Variants in ARID1B observed in about 807,000 individuals in gnomAD.
ARID1B encodes the protein AT-rich interaction domain 1B.
In ARID1B, 30 loss-of-function variants were observed where a neutral mutation model predicts 212.3. That is an observed-to-expected ratio of 0.14 (90% CI 0.11 to 0.19). The LOEUF (loss-of-function observed/expected upper bound fraction) is 0.19. Ranked by LOEUF, ARID1B falls within the 10% of genes least tolerant of loss-of-function variation. ARID1B has a pLI of 1.00. For missense variants in ARID1B, 2,891 were observed against 3,204.0 expected, an observed-to-expected ratio of 0.90 and a Z score of 2.36; for synonymous variants, 1,402 against 1,301.7, an observed-to-expected ratio of 1.08 and a Z score of -1.66.
chr6:157,156,200 C>G (rs891652804), intron 8 of ARID1B, among the ~76,000 whole-genome samples: 17 of 152,096 alleles, frequency 1.1e-4, no homozygotes, highest in African/African-American at 3.9e-4. Context: ...AAGAATCCAG[C>G]CCTTTGGATT....
chr6:156,884,176 C>T (rs1562458543), intron 2 of ARID1B, among the ~76,000 whole-genome samples: 3 of 152,180 alleles, frequency 2.0e-5, no homozygotes, highest in Non-Finnish European at 4.4e-5. Flanking sequence ...CAAGTGTCCT[C>T]TGTGTTCAAG....
chr6:157,071,704 C>G (rs1345310229), intron 4 of ARID1B: 1 of 152,160 alleles, frequency 6.6e-6, no homozygotes, highest in Non-Finnish European at 1.5e-5. Context: ...ATTTTAAAGT[C>G]TGTGTAAATT....
rs539322102 is a variant in ARID1B, at chr6:156,953,215, A to G, written c.2247+17639A>G. On this transcript the variant is annotated intron_variant, in intron 4 of 19. Coordinates refer to ENST00000636930, the MANE Select transcript of ARID1B (RefSeq NM_001374828.1). ...GGGTTAGATTGGGTGGTTGGAAAGC[A>G]AAGCTCCAAGTGCTAGAATGGACGG... Among the ~76,000 whole-genome samples, 8 of 152,390 alleles carry G rather than the reference A, an allele frequency of 5.2e-5. No homozygotes were observed. The East Asian group carries it at 1.5e-3, about 29-fold the overall frequency.
Position 156,778,280 on chromosome 6 carries a change from G to A in ARID1B, c.600G>A (p.Gln200=), listed in dbSNP as rs1273235284. 2 of 1,541,424 alleles carry A rather than the reference G, an allele frequency of 1.3e-6. No homozygotes were observed. Residue 200 remains glutamine, a synonymous_variant, in exon 1 of 20, where the codon CAG becomes CAA. Transcript: ENST00000636930. ...QQQLNQFQQQ[Q]QQQQQQQQQQ... is the part of the protein sequence containing the mutation. ...AGCTAAACCAGTTCCAGCAGCAGCA[G>A]CAGCAGCAGCAACAGCAGCAGCAGC...
chr6:157,030,799 A>G (rs1274965019), intron 4 of ARID1B, among the ~76,000 whole-genome samples: 1 of 152,182 alleles, frequency 6.6e-6, no homozygotes, highest in Non-Finnish European at 1.5e-5. Context: ...GATTGCATAG[A>G]TGTATTTTTC....
At chr6:157,173,612 C>T in intron 9 of ARID1B, 1 of 156,516 alleles carries the variant, frequency 6.4e-6, no homozygotes, top group Non-Finnish European at 1.4e-5. Flanking sequence ...GGCACTAAAT[C>T]CTCTAGGACC....
chr6:157,078,971 T>G (rs1238124408), intron 4 of ARID1B, among the ~76,000 whole-genome samples: 1 of 152,234 alleles, frequency 6.6e-6, no homozygotes, highest in African/African-American at 2.4e-5. Context: ...TTGTGTTATC[T>G]CTGGCTTTTG....
intron 4 of ARID1B, among the ~76,000 whole-genome samples, chr6:157,048,567 A>T (rs1327378008): frequency 6.6e-6 from 1 of 152,252 alleles, no homozygotes; most frequent in Non-Finnish European, 1.5e-5. Context: ...GTCTTTTAAC[A>T]GTTGGCTTTT....
At chr6:156,916,766 G>A (rs1260185524) in intron 3 of ARID1B, among the ~76,000 whole-genome samples, 1 of 151,972 alleles carries the variant, frequency 6.6e-6, no homozygotes, top group Non-Finnish European at 1.5e-5. Context: ...TTTTACCTCT[G>A]ACTCCTGTTC....
chr6:157,198,343 G>A (rs1793873802), intron 16 of ARID1B, among the ~76,000 whole-genome samples: 2 of 152,202 alleles, frequency 1.3e-5, no homozygotes, highest in South Asian at 2.1e-4. Context: ...TAATGAGAAT[G>A]TGCAAAGTAC....
intron 4 of ARID1B, among the ~76,000 whole-genome samples, chr6:157,069,722 A>G (rs1232541610): frequency 6.6e-6 from 1 of 152,224 alleles, no homozygotes; most frequent in East Asian, 1.9e-4. Context: ...TTTCCTGTGA[A>G]GAATCAGTAT....
At chr6:157,119,087 G>A (rs1244815428) in intron 6 of ARID1B, among the ~76,000 whole-genome samples, 1 of 151,998 alleles carries the variant, frequency 6.6e-6, no homozygotes, top group African/African-American at 2.4e-5. Context: ...CAAAAATTCG[G>A]AAGCCATCCT....
At chr6:157,202,789 T>G (rs1794194803) in intron 18 of ARID1B, among the ~76,000 whole-genome samples, 1 of 150,774 alleles carries the variant, frequency 6.6e-6, no homozygotes, top group South Asian at 2.1e-4. Flanking sequence ...TGTGTGTGTG[T>G]GTATTTATAT....
At chr6:157,012,890 T>C (rs115102179) in intron 4 of ARID1B, among the ~76,000 whole-genome samples, 1,703 of 152,256 alleles carry the variant, frequency 0.011, 26 homozygotes, top group African/African-American at 0.039. Context: ...TTTTGTTTCG[T>C]TTTTTTGAAA....
chr6:157,097,735 G>A (rs1785749501), intron 5 of ARID1B, among the ~76,000 whole-genome samples: 1 of 152,218 alleles, frequency 6.6e-6, no homozygotes, highest in Non-Finnish European at 1.5e-5. Flanking sequence ...AAGAAAGGGA[G>A]CAGGCAGGCG....
chr6:156,823,294 C>T (rs542603372), intron 1 of ARID1B, among the ~76,000 whole-genome samples: 12 of 152,202 alleles, frequency 7.9e-5, no homozygotes, highest in Middle Eastern at 3.4e-3. Flanking sequence ...GCCTTTATAG[C>T]GCTGATGAAT....
Position 157,077,507 on chromosome 6 carries a change from C to T in ARID1B, c.2248-7155C>T, listed in dbSNP as rs544076868. Among the ~76,000 whole-genome samples the T allele has an allele frequency of 2.0e-5, 3 of 152,254 alleles. No homozygotes were observed. In the South Asian group the frequency reaches 6.2e-4, roughly 32 times the overall value. ...CTGTGCCGAAATGAGCATGCCCTCC[C>T]CTCACTCTTCCTGCCCTTTGTGCCT... On this transcript the variant is annotated intron_variant, in intron 4 of 19. Coordinates refer to ENST00000636930, the MANE Select transcript of ARID1B (RefSeq NM_001374828.1).
At chr6:157,051,079 G>A (rs1047112879) in intron 4 of ARID1B, among the ~76,000 whole-genome samples, 1 of 152,254 alleles carries the variant, frequency 6.6e-6, no homozygotes, top group Non-Finnish European at 1.5e-5. Flanking sequence ...AGTGGCTTTC[G>A]CCCAATTATG....
rs35310749 is a variant in ARID1B at position 156,838,709 on chromosome 6, T to TATA, written c.1986+9311_1986+9313dup. Among the ~76,000 whole-genome samples the TATA allele has an allele frequency of 4.0e-3, 581 of 145,832 alleles. 1 individual carries two copies. Among genetic ancestry groups the TATA allele is most frequent in the African/African-American group, 7.8e-3 (310 of 39,642 alleles). The stretch of plus-strand genomic sequence containing the variant: ...TACACAGGTACCCTAGAACTTAAAG[T>TATA]ATAATAATAATAATAATAATAATAA... On this transcript the variant is annotated intron_variant, in intron 2 of 19. Transcript: ENST00000636930.
Sources: allele counts gnomAD v4.1 joint callset (sites outside exome capture counted in the v4.1 genomes callset), GRCh38; gene constraint gnomAD v4.1.1; transcripts MANE v1.5; gene names NCBI Gene and HGNC (gene_info 2026-07-23, HGNC 2026-07-21).